Variants in NCAM2 observed in about 807,000 individuals in gnomAD.
The protein encoded by NCAM2 is neural cell adhesion molecule 2, also known as N-CAM-2.
Under a neutral mutation model 98.1 loss-of-function variants are expected in NCAM2, and 30 were observed. The observed-to-expected ratio is 0.31, with a 90% CI of 0.23 to 0.41. The LOEUF (loss-of-function observed/expected upper bound fraction) is 0.41. Ranked by LOEUF, NCAM2 falls within the 10% of genes least tolerant of loss-of-function variation. NCAM2 has a pLI of 1.00. For missense variants in NCAM2, 867 were observed against 1,005.8 expected (o/e 0.86, Z 1.87); for synonymous variants, 368 against 342.4 (o/e 1.07, Z -0.83).
At chr21:21,107,157 T>C (rs925235905) in intron 1 of NCAM2, among the ~76,000 whole-genome samples, 2 of 152,156 alleles carry the variant, frequency 1.3e-5, no homozygotes, top group African/African-American at 4.8e-5. Context: ...GTGTGTTACT[T>C]ATGTAATTAT....
At chr21:21,510,874 C>T (rs1988332023) in intron 16 of NCAM2, among the ~76,000 whole-genome samples, 1 of 151,974 alleles carries the variant, frequency 6.6e-6, no homozygotes, top group South Asian at 2.1e-4. Flanking sequence ...ATTTTTAACG[C>T]TCAAATCAAG....
At chr21:21,501,383 A>G (rs561590226) in intron 15 of NCAM2, among the ~76,000 whole-genome samples, 1 of 152,108 alleles carries the variant, frequency 6.6e-6, no homozygotes, top group East Asian at 1.9e-4. Context: ...TTGTTAATGT[A>G]AATATCATAT....
At chr21:21,408,458 C>T (rs1217610482) in intron 9 of NCAM2, among the ~76,000 whole-genome samples, 2 of 151,968 alleles carry the variant, frequency 1.3e-5, no homozygotes, top group Non-Finnish European at 2.9e-5. Context: ...ATTATTTTCT[C>T]TGGATACATA....
intron 9 of NCAM2, among the ~76,000 whole-genome samples, chr21:21,405,467 T>C (rs2076721015): frequency 6.6e-6 from 1 of 152,118 alleles, no homozygotes; most frequent in African/African-American, 2.4e-5. Context: ...GATGTAAAAT[T>C]ATACAGTAAA....
At chr21:21,067,572 T>C (rs2065466569) in intron 1 of NCAM2, among the ~76,000 whole-genome samples, 1 of 152,180 alleles carries the variant, frequency 6.6e-6, no homozygotes, top group Non-Finnish European at 1.5e-5. Context: ...ATGCAATACA[T>C]TCTATAGTCT....
chr21:21,132,944 G>C (rs945109913), intron 1 of NCAM2, among the ~76,000 whole-genome samples: 1 of 152,042 alleles, frequency 6.6e-6, no homozygotes, highest in African/African-American at 2.4e-5. Flanking sequence ...TCATTTTCTT[G>C]ATAACATTTA....
intron 1 of NCAM2, among the ~76,000 whole-genome samples, chr21:21,225,152 C>CA (rs1174019518): frequency 6.6e-6 from 1 of 152,172 alleles, no homozygotes; most frequent in African/African-American, 2.4e-5. Flanking sequence ...CAAACTAACA[C>CA]AGGAACTGAG....
intron 1 of NCAM2, among the ~76,000 whole-genome samples, chr21:21,053,166 CA>C (rs1427532347): frequency 6.6e-6 from 1 of 151,976 alleles, no homozygotes; most frequent in Non-Finnish European, 1.5e-5. Context: ...CTCAAAGTAG[CA>C]TTTAAAATTT....
intron 5 of NCAM2, among the ~76,000 whole-genome samples, chr21:21,299,722 A>G (rs76565722): frequency 0.29 from 43,439 of 151,396 alleles, 6,477 homozygotes; most frequent in East Asian, 0.38. Context: ...ATTTCTTCCC[A>G]TGAGATCTCA....
At chr21:21,060,128 A>G (rs1448556364) in intron 1 of NCAM2, among the ~76,000 whole-genome samples, 3 of 152,046 alleles carry the variant, frequency 2.0e-5, no homozygotes, top group Admixed American at 6.6e-5. Flanking sequence ...CATTATAGCT[A>G]TACTTATCAC....
intron 1 of NCAM2, among the ~76,000 whole-genome samples, chr21:21,095,642 A>T (rs961481707): frequency 1.3e-5 from 2 of 151,668 alleles, no homozygotes; most frequent in Non-Finnish European, 3.0e-5. Context: ...TTATTTTTAT[A>T]AGGAATAAAG....
At chr21:21,194,965 C>G (rs2068954273) in intron 1 of NCAM2, among the ~76,000 whole-genome samples, 1 of 152,184 alleles carries the variant, frequency 6.6e-6, no homozygotes, top group South Asian at 2.1e-4. Flanking sequence ...TCTAAGAATT[C>G]AAATTTTTTA....
chr21:21,058,727 T>TA (rs1287104445), intron 1 of NCAM2, among the ~76,000 whole-genome samples: 1 of 151,674 alleles, frequency 6.6e-6, no homozygotes, highest in Non-Finnish European at 1.5e-5. Flanking sequence ...CATGTAGAAA[T>TA]ACATGTTATT....
At chr21:21,030,990 AT>A (rs1429140491) in intron 1 of NCAM2, among the ~76,000 whole-genome samples, 2 of 152,126 alleles carry the variant, frequency 1.3e-5, no homozygotes, top group South Asian at 2.1e-4. Context: ...AATAGATAAA[AT>A]TTTTCATTTT....
intron 9 of NCAM2, among the ~76,000 whole-genome samples, chr21:21,393,160 A>C (rs1426506903): frequency 6.6e-6 from 1 of 152,198 alleles, no homozygotes; most frequent in Non-Finnish European, 1.5e-5. Flanking sequence ...AGTCTTCTGC[A>C]TATGGCTAGC....
chr21:21,018,095 G>A (rs532757654), intron 1 of NCAM2, among the ~76,000 whole-genome samples: 214 of 152,098 alleles, frequency 1.4e-3, no homozygotes, highest in Middle Eastern at 0.014. Context: ...CTAAAACATT[G>A]GACTCATTAT....
rs545297525 is a variant in NCAM2, at chr21:21,468,183, G to A, written c.1775-479G>A. Among the ~76,000 whole-genome samples the A allele has an allele frequency of 3.3e-5, 5 of 151,936 alleles. No homozygotes were observed. The South Asian group carries it at 1.0e-3, about 32-fold the overall frequency. The stretch of plus-strand genomic sequence containing the variant: ...CAAACTTTATTCAAATTTGCACCCA[G>A]GAAAGAAAATGCTTATTAAAGCACA... On this transcript the variant is annotated intron_variant, in intron 13 of 17. Transcript: ENST00000400546.
chr21:21,185,401 A>G (rs912333966), intron 1 of NCAM2, among the ~76,000 whole-genome samples: 2 of 152,138 alleles, frequency 1.3e-5, no homozygotes, highest in African/African-American at 4.8e-5. Flanking sequence ...ATCTTTAGCT[A>G]ACTTTCTTGT....
intron 1 of NCAM2, among the ~76,000 whole-genome samples, chr21:21,127,325 AT>A (rs1043452186): frequency 2.0e-5 from 3 of 151,942 alleles, no homozygotes; most frequent in Non-Finnish European, 2.9e-5. Context: ...TATTTATTTT[AT>A]TTTTTGATAC....
Sources: gnomAD v4.1 joint callset for allele counts (sites outside exome capture counted in the v4.1 genomes callset) on GRCh38, gnomAD v4.1.1 for gene constraint, MANE v1.5 for transcripts, NCBI Gene and HGNC (gene_info 2026-07-23, HGNC 2026-07-21) for gene names.